Variants in ARHGAP33 observed in about 807,000 individuals in gnomAD.
ARHGAP33 encodes the protein Rho GTPase activating protein 33, also known as rho GTPase-activating protein 33.
In ARHGAP33, 57 loss-of-function variants were observed where a neutral mutation model predicts 126.2. The ratio of observed to expected loss-of-function variants is 0.45; its 90% CI spans 0.36 to 0.56. ARHGAP33 has a LOEUF of 0.56. Among genes scored for constraint, ARHGAP33 ranks in the 20% least tolerant of loss-of-function variants. The pLI is 0.00. For synonymous variants in ARHGAP33, 711 were observed against 755.0 expected (o/e 0.94, Z 0.95); for missense variants, 1,500 against 1,748.3 (o/e 0.86, Z 2.53).
rs1172626701 is a variant in ARHGAP33, at chr19:35,784,856, A to G, written c.1568-97A>G. On this transcript the variant is annotated intron_variant, in intron 16 of 20. Transcript: ENST00000007510. ...CCCTGCCTTGCCAGCCCGGGTGGGC[A>G]TGCTGCGGGGCCGGGGCTTGGGCTG... 8 of 1,258,136 alleles carry G rather than the reference A, an allele frequency of 6.4e-6. No individual in the cohort carries two copies. In the East Asian group the frequency reaches 2.3e-4, roughly 37 times the overall value. The allele number at this position is 1,258,136 out of a possible 1,614,324, so 77.9% of individuals were successfully genotyped here.
At position 35,782,754 on chromosome 19, in the gene ARHGAP33, A is replaced by T. The variant is rs927808386; in HGVS notation, c.1314-8A>T. ...AGGCTCAGGTGCCCCCTCTGCTCCC[A>T]CCCCCAGGACCCTGGAGTACCTGCT... On this transcript the variant is annotated splice_polypyrimidine_tract_variant and splice_region_variant and intron_variant, in intron 14 of 20. Coordinates refer to ENST00000007510, the MANE Select transcript of ARHGAP33 (RefSeq NM_001366178.1). The surrounding 1 kb of genome is among the most constrained non-coding windows in gnomAD (Gnocchi z 4.1). 3 of 1,611,576 alleles carry T rather than the reference A, an allele frequency of 1.9e-6. No individual in the cohort carries two copies. The highest frequency in any genetic ancestry group is 2.5e-6 in the Non-Finnish European group (3 of 1,178,646).
chr19:35,782,822 C>T lies in ARHGAP33; in HGVS notation c.1374C>T (p.Ser458=). ...ARMARHSANT[S]MHARNLAIVW... ...TGGCGAGACACAGTGCCAACACCAG[C>T]ATGCATGCCCGCAACCTGGCCATTG... Residue 458 remains serine, a synonymous_variant, in exon 15 of 21, where the codon AGC becomes AGT. Coordinates refer to ENST00000007510, the MANE Select transcript of ARHGAP33 (RefSeq NM_001366178.1). This position sits in a 1 kb window ranked among gnomAD's most constrained non-coding sequence, Gnocchi z 4.1. 6.2e-7 allele frequency: 1 copy of T among 1,613,992 alleles called. No individual in the cohort carries two copies. Among genetic ancestry groups the T allele is most frequent in the Non-Finnish European group, 8.5e-7 (1 of 1,179,928 alleles).
chr19:35,788,284 C>T lies in ARHGAP33; in HGVS notation c.3719C>T (p.Pro1240Leu). ...CTCCTGCTCTACAGGGCAGCCCCGC[C>T]AGCCTACGGAAGGGGGGGCGAGCTC... ...EPLLLYRAAP[P>L]AYGRGGELHR... Residue 1240 changes from proline to leucine, a missense_variant, in exon 21 of 21, where the codon CCA becomes CTA. Physicochemically the swap from Pro to Leu is moderately conservative, Grantham distance 98. This residue lies in a region of ARHGAP33 where 642 missense variants were observed against 634.0 expected (regional missense o/e 1.01). Coordinates refer to ENST00000007510, the MANE Select transcript of ARHGAP33 (RefSeq NM_001366178.1). The T allele has an allele frequency of 1.2e-6, 2 of 1,610,188 alleles. No homozygotes were observed. Among genetic ancestry groups the T allele is most frequent in the Non-Finnish European group, 1.7e-6 (2 of 1,178,956 alleles).
intron 3 of ARHGAP33, 77 bp downstream of exon 3, chr19:35,777,985 C>G: frequency 6.6e-7 from 1 of 1,516,730 alleles, no homozygotes. Context: ...AGGTGCTTTG[C>G]TTCTGAAACT....
At chr19:35,784,019 G>A (rs1971951339) in intron 15 of ARHGAP33, among the ~76,000 whole-genome samples, 153 bp from the exon 16 acceptor site, 1 of 151,996 alleles carries the variant, frequency 6.6e-6, no homozygotes, top group Admixed American at 6.6e-5. Context: ...GGCGGGTCTG[G>A]GGGAAGGTTG....
In ARHGAP33 at chr19:35,787,010, C is replaced by G. The variant is rs776070452; in HGVS notation, c.2540C>G (p.Pro847Arg). The stretch of plus-strand genomic sequence containing the variant: ...CTGCTGCTGCGAGGAGCCGAGGCCC[C>G]GCTGACTGACGCCTGCCAGCAGGAG... Reference protein sequence around the residue: ...IPLLLRGAEAPLTDACQQEMC... With the variant: ...IPLLLRGAEARLTDACQQEMC... Residue 847 changes from proline to arginine, a missense_variant, in exon 20 of 21, where the codon CCG becomes CGG. Physicochemically the swap from Pro to Arg is moderately radical, Grantham distance 103. Around this residue, in one of 6 missense-constraint regions of ARHGAP33, gnomAD observed 642 missense variants for 634.0 expected, o/e 1.01. Coordinates refer to ENST00000007510, the MANE Select transcript of ARHGAP33 (RefSeq NM_001366178.1). 5 of 1,609,308 alleles carry G rather than the reference C, an allele frequency of 3.1e-6. No homozygotes were observed. Among genetic ancestry groups the G allele is most frequent in the Non-Finnish European group, 4.2e-6 (5 of 1,177,978 alleles).
chr19:35,777,345 G>A (rs910388814), intron 1 of ARHGAP33, among the ~76,000 whole-genome samples: 1 of 152,150 alleles, frequency 6.6e-6, no homozygotes, highest in African/African-American at 2.4e-5. Flanking sequence ...GGAGATCACT[G>A]TACTCTGCAG....
chr19:35,779,998 A>G lies in ARHGAP33; in HGVS notation c.502-213A>G, dbSNP rs748753849. Reference sequence around the variant, plus strand: ...AGAGTCCTGGGACATGTGAGGGGAAATAAAGGGGTTTTTCTTAGAGGTTTC... The same window carrying G: ...AGAGTCCTGGGACATGTGAGGGGAAGTAAAGGGGTTTTTCTTAGAGGTTTC... On this transcript the variant is annotated intron_variant, in intron 6 of 20. Transcript: ENST00000007510. 14 of 698,140 alleles carry G rather than the reference A, an allele frequency of 2.0e-5. No individual in the cohort carries two copies. The Admixed American group carries it at 2.3e-4, about 11-fold the overall frequency. 43.2% of individuals were successfully genotyped at this position (698,140 alleles called of 1,614,324 possible). A position where few individuals can be genotyped will look rare whatever the true frequency, so the allele number is the denominator to read the frequency against.
rs749351445 is a variant in ARHGAP33, at chr19:35,785,181, A to C, written c.1722-8A>C. The C allele has an allele frequency of 6.3e-7, 1 of 1,575,990 alleles. No homozygotes were observed. The highest frequency in any genetic ancestry group is 8.6e-7 in the Non-Finnish European group (1 of 1,156,792). On this transcript the variant is annotated splice_region_variant and splice_polypyrimidine_tract_variant and intron_variant, in intron 17 of 20. Transcript: ENST00000007510. ...CAGACGGCCTCCTGTTTCTCCCCCA[A>C]ACCGCAGGAGGAAAGGGGAGAGAGG...
At chr19:35,780,534 G>A in intron 8 of ARHGAP33, 36 bp downstream of exon 8, 1 of 1,612,144 alleles carries the variant, frequency 6.2e-7, no homozygotes, top group Non-Finnish European at 8.5e-7. Flanking sequence ...TGGGGCTGGG[G>A]TACCTGCCAA....
intron 1 of ARHGAP33, among the ~76,000 whole-genome samples, chr19:35,776,277 G>A (rs1014114258): frequency 6.6e-6 from 1 of 150,596 alleles, no homozygotes; most frequent in African/African-American, 2.4e-5. Context: ...CTTGATCCTC[G>A]GGTCTGCTCC....
rs747326193 is a variant in ARHGAP33, at chr19:35,785,396, C to T, written c.1868-13C>T. 31 of 1,614,070 alleles carry T rather than the reference C, an allele frequency of 1.9e-5. No individual in the cohort carries two copies. The highest frequency in any genetic ancestry group is 2.5e-5 in the Non-Finnish European group (29 of 1,180,024). On this transcript the variant is annotated splice_polypyrimidine_tract_variant and intron_variant, in intron 18 of 20. Transcript: ENST00000007510. ...GTCGCTGGAGTGCCCTCCTACCTCTCCCTCTCCTGCAGGCAGCAGACCCGA... is the reference window on the plus strand; with the variant it reads ...GTCGCTGGAGTGCCCTCCTACCTCTTCCTCTCCTGCAGGCAGCAGACCCGA...
chr19:35,776,131 T>C (rs2146671926), intron 1 of ARHGAP33, among the ~76,000 whole-genome samples: 2 of 133,352 alleles, frequency 1.5e-5, no homozygotes, highest in Admixed American at 1.6e-4. Context: ...CTGACCCTTT[T>C]CTTCTCCTTC....
chr19:35,787,954 G>C lies in ARHGAP33; in HGVS notation c.3389G>C (p.Arg1130Thr), dbSNP rs746047004. The C allele has an allele frequency of 6.9e-7, 1 of 1,449,958 alleles. No individual in the cohort carries two copies. Among genetic ancestry groups the C allele is most frequent in the Admixed American group, 2.5e-5 (1 of 40,298 alleles). The allele number at this position is 1,449,958 out of a possible 1,614,324, so 89.8% of individuals were successfully genotyped here. ...GMLGQSPPLH[R>T]SPDFLLSYPP... The stretch of plus-strand genomic sequence containing the variant: ...CTTGGCCAATCACCCCCACTCCACA[G>C]GTCCCCCGACTTCCTGCTCAGCTAC... The change falls in exon 21 of 21, where the codon AGG (arginine) becomes ACG (threonine). Residue 1130 changes from arginine (R) to threonine (T), a missense_variant. This residue lies in a region of ARHGAP33 where 642 missense variants were observed against 634.0 expected (regional missense o/e 1.01). Coordinates refer to ENST00000007510, the MANE Select transcript of ARHGAP33 (RefSeq NM_001366178.1).
In ARHGAP33 at chr19:35,787,052, G is replaced by T. The variant is rs377336785; in HGVS notation, c.2582G>T (p.Arg861Leu). 1 of 1,604,886 alleles carries T rather than the reference G, an allele frequency of 6.2e-7. No homozygotes were observed. Among genetic ancestry groups the T allele is most frequent in the Non-Finnish European group, 8.5e-7 (1 of 1,175,218 alleles). ...ACQQEMCSKLRGAQGPLGPDM... is the reference protein window; with the variant it reads ...ACQQEMCSKLLGAQGPLGPDM... The stretch of plus-strand genomic sequence containing the variant: ...CAGCAGGAGATGTGCAGCAAGCTCC[G>T]GGGAGCCCAGGGCCCACTCGGTGAG... Residue 861 changes from arginine to leucine, a missense_variant, in exon 20 of 21, where the codon CGG (arginine) becomes CTG (leucine). Coordinates refer to ENST00000007510, the MANE Select transcript of ARHGAP33 (RefSeq NM_001366178.1).
chr19:35,776,646 G>A (rs1971474278), intron 1 of ARHGAP33, among the ~76,000 whole-genome samples: 1 of 152,266 alleles, frequency 6.6e-6, no homozygotes, highest in Non-Finnish European at 1.5e-5. Flanking sequence ...AAAAGAATCA[G>A]GAACAATCAT....
chr19:35,788,296 G>T lies in ARHGAP33; in HGVS notation c.3731G>T (p.Arg1244Met), dbSNP rs747370383. The T allele has an allele frequency of 1.2e-6, 2 of 1,607,558 alleles. No individual in the cohort carries two copies. The highest frequency in any genetic ancestry group is 1.1e-5 in the South Asian group (1 of 90,600). ...AGGGCAGCCCCGCCAGCCTACGGAA[G>T]GGGGGGCGAGCTCCACCGAGGGTCC... ...LYRAAPPAYG[R>M]GGELHRGSLY... The change falls in exon 21 of 21, where the codon AGG becomes ATG. Residue 1244 changes from arginine to methionine, a missense_variant. Transcript: ENST00000007510.
chr19:35,784,533 C>A, intron 16 of ARHGAP33: 1 of 1,321,416 alleles, frequency 7.6e-7, no homozygotes, highest in Non-Finnish European at 9.6e-7. Context: ...GCCCGGACGC[C>A]GCTCTTCCTT....
At position 35,787,551 on chromosome 19, in the gene ARHGAP33, C is replaced by T. The variant is rs764140565; in HGVS notation, c.2986C>T (p.Pro996Ser). Residue 996 changes from proline to serine, a missense_variant, in exon 21 of 21, where the codon CCT (proline) becomes TCT (serine). Coordinates refer to ENST00000007510, the MANE Select transcript of ARHGAP33 (RefSeq NM_001366178.1). The part of the protein sequence containing the change: ...MGTSRRGLRG[P>S]AQVSAQLRAG... Reference sequence around the variant, plus strand: ...GACCTCAAGGAGGGGACTCCGAGGCCCTGCCCAGGTCAGTGCCCAGCTCAG... The same window carrying T: ...GACCTCAAGGAGGGGACTCCGAGGCTCTGCCCAGGTCAGTGCCCAGCTCAG... 2 of 1,612,076 alleles carry T rather than the reference C, an allele frequency of 1.2e-6. No homozygotes were observed. The highest frequency in any genetic ancestry group is 2.2e-5 in the East Asian group (1 of 44,864).
Sources: gnomAD v4.1 joint callset for allele counts (sites outside exome capture counted in the v4.1 genomes callset) on GRCh38, gnomAD v4.1.1 for gene constraint, gnomAD v4.1.1 regional missense constraint, Gnocchi (gnomAD v3.1) non-coding constraint, MANE v1.5 for transcripts, NCBI Gene and HGNC (gene_info 2026-07-23, HGNC 2026-07-21) for gene names.